PROM2: variants seen among roughly 807,000 people sequenced by gnomAD.
The protein encoded by PROM2 is prominin-2.
PROM2 carries 90 observed loss-of-function variants against 110.2 expected under a neutral mutation model. The observed-to-expected ratio is 0.82, with a 90% CI of 0.69 to 0.97. The LOEUF is 0.97. PROM2 is among the 50% of genes least tolerant of loss of function. The pLI, the probability that PROM2 is intolerant of heterozygous loss-of-function variation, is 0.00. For missense variants in PROM2, 1,009 were observed against 1,074.8 expected, an observed-to-expected ratio of 0.94 and a Z score of 0.86; for synonymous variants, 470 against 467.8, an observed-to-expected ratio of 1.00 and a Z score of -0.06.
In PROM2 at chr2:95,278,799, G is replaced by T; in HGVS notation, c.1114+15G>T. Reference sequence around the variant, plus strand: ...CGTGGTGCAAGGTTAGGCCACACGGGTCAGAGGCAGCTGCCAGGCATGGCT... The same window carrying T: ...CGTGGTGCAAGGTTAGGCCACACGGTTCAGAGGCAGCTGCCAGGCATGGCT... On this transcript the variant is annotated intron_variant, in intron 9 of 23. Transcript: ENST00000317620. 1 of 1,614,008 alleles carries T rather than the reference G, an allele frequency of 6.2e-7. No homozygotes were observed. Among genetic ancestry groups the T allele is most frequent in the Non-Finnish European group, 8.5e-7 (1 of 1,180,014 alleles).
chr2:95,281,788 G>A, intron 12 of PROM2, 137 bp from the exon 13 acceptor site: 2 of 679,776 alleles, frequency 2.9e-6, no homozygotes, highest in South Asian at 3.5e-5. Context: ...TAGAGGCCAG[G>A]TGTGAGCTGG....
intron 23 of PROM2, 64 bp from the exon 24 acceptor site, chr2:95,289,160 T>G (rs1677557167): frequency 1.5e-6 from 1 of 647,366 alleles, no homozygotes; most frequent in Admixed American, 2.4e-5. Context: ...CATCCAGCAG[T>G]GGGGCTGACA....
rs1392166052 is a variant in PROM2 at position 95,274,758 on chromosome 2, G to T, written c.173G>T (p.Gly58Val). ...CTGGCCCCTCGAGTTCGTGCGCCAG[G>T]ACTCCTGGACTCCCTCTATGGCACC... ...RWLAPRVRAP[G>V]LLDSLYGTVR... The change falls in exon 1 of 24, where the codon GGA (glycine) becomes GTA (valine). Residue 58 changes from glycine to valine, a missense_variant. By Grantham distance (109) the Gly-to-Val change is moderately radical (BLOSUM62 -3). Transcript: ENST00000317620. 10 of 1,611,374 alleles carry T rather than the reference G, an allele frequency of 6.2e-6. No homozygotes were observed. The highest frequency in any genetic ancestry group is 2.2e-5 in the East Asian group (1 of 44,836).
chr2:95,277,425 C>G lies in PROM2; in HGVS notation c.834C>G (p.Ala278=). The G allele has an allele frequency of 6.2e-7, 1 of 1,613,334 alleles. No individual in the cohort carries two copies. Among genetic ancestry groups the G allele is most frequent in the Non-Finnish European group, 8.5e-7 (1 of 1,179,898 alleles). Residue 278 remains alanine, a synonymous_variant, in exon 7 of 24, where the codon GCC becomes GCG. Transcript: ENST00000317620. ...ATGCTACAGTGGTAGAGCTGCAGGCCGGGCAGCAGGACCTGGAGCCAGCCA... is the reference window on the plus strand; with the variant it reads ...ATGCTACAGTGGTAGAGCTGCAGGCGGGGCAGCAGGACCTGGAGCCAGCCA... The part of the protein sequence containing the change: ...TLNATVVELQ[A]GQQDLEPAIR...
intron 18 of PROM2, 33 bp downstream of exon 18, chr2:95,286,890 C>A (rs1464242255): frequency 6.2e-7 from 1 of 1,608,768 alleles, no homozygotes. Flanking sequence ...TATGGTGGAG[C>A]ACAGGGGCTG....
At chr2:95,284,477 C>T (rs1677225286) in intron 14 of PROM2, among the ~76,000 whole-genome samples, 1 of 151,200 alleles carries the variant, frequency 6.6e-6, no homozygotes, top group African/African-American at 2.4e-5. Flanking sequence ...GGCAACAGAG[C>T]AAGACCCTGT....
intron 10 of PROM2, among the ~76,000 whole-genome samples, chr2:95,279,488 G>T (rs567533257): frequency 1.3e-5 from 2 of 152,084 alleles, no homozygotes; most frequent in African/African-American, 2.4e-5. Flanking sequence ...GTAGAGACAG[G>T]GTTTCACCAT....
chr2:95,276,325 G>C lies in PROM2; in HGVS notation c.596G>C (p.Gly199Ala). The C allele has an allele frequency of 6.2e-7, 1 of 1,613,702 alleles. No individual in the cohort carries two copies. Among genetic ancestry groups the C allele is most frequent in the Non-Finnish European group, 8.5e-7 (1 of 1,180,028 alleles). ...CCTGAGACCCTGCTCAGCCTCTGGG[G>C]CCTGGTCTCTGATGTCCCCCAAGTG... ...AMPETLLSLW[G>A]LVSDVPQELQ... Residue 199 changes from glycine to alanine, a missense_variant, in exon 4 of 24, where the codon GGC becomes GCC. Physicochemically the swap from Gly to Ala is moderately conservative, Grantham distance 60. Coordinates refer to ENST00000317620, the MANE Select transcript of PROM2 (RefSeq NM_001165978.3). This position sits in a 1 kb window ranked among gnomAD's most constrained non-coding sequence, Gnocchi z 4.6.
Position 95,288,594 on chromosome 2 carries a change from G to GGGGCTGCCA in PROM2, c.2441+13_2441+21dup. ...TCCTATCCGGAAACGCCTCAGGTGA[G>GGGGCTGCCA]GGGCTGCCAGGGCTGCAGGCAGCAT... On this transcript the variant is annotated splice_donor_region_variant and intron_variant, in intron 22 of 23. Coordinates refer to ENST00000317620, the MANE Select transcript of PROM2 (RefSeq NM_001165978.3). The GGGGCTGCCA allele has an allele frequency of 1.2e-6, 2 of 1,611,450 alleles. No homozygotes were observed. Among genetic ancestry groups the GGGGCTGCCA allele is most frequent in the Non-Finnish European group, 1.7e-6 (2 of 1,177,954 alleles).
chr2:95,276,669 G>A lies in PROM2; in HGVS notation c.682+12G>A, dbSNP rs370530905. 2.1e-5 allele frequency: 34 copies of A among 1,612,362 alleles called. No homozygotes were observed. Among genetic ancestry groups the A allele is most frequent in the African/African-American group, 1.2e-4 (9 of 74,852 alleles). On this transcript the variant is annotated intron_variant, in intron 5 of 23. Coordinates refer to ENST00000317620, the MANE Select transcript of PROM2 (RefSeq NM_001165978.3). The surrounding 1 kb of genome is among the most constrained non-coding windows in gnomAD (Gnocchi z 4.6). ...AGAGGAGCTGGATGGTGAGGGTCTC[G>A]GGGACTGGCAGGTGGGCTGGCTCCT...
chr2:95,277,831 C>A, intron 7 of PROM2, 99 bp from the exon 8 acceptor site: 1 of 1,014,844 alleles, frequency 9.9e-7, no homozygotes, highest in Non-Finnish European at 1.5e-6. Flanking sequence ...CACTTGAGGA[C>A]ATTGGGGTTC....
At chr2:95,279,658 T>C (rs930790251) in intron 10 of PROM2, among the ~76,000 whole-genome samples, 187 bp from the exon 11 acceptor site, 2 of 152,182 alleles carry the variant, frequency 1.3e-5, no homozygotes, top group Non-Finnish European at 2.9e-5. Flanking sequence ...TATGAGGCTG[T>C]GTGCCCTTGG....
intron 13 of PROM2, 43 bp from the exon 14 acceptor site, chr2:95,282,099 C>T: frequency 6.2e-7 from 1 of 1,607,296 alleles, no homozygotes; most frequent in Non-Finnish European, 8.5e-7. Context: ...AGCCCCCCCG[C>T]CACCCCCAAG....
rs1159276389 is a variant in PROM2 at position 95,281,488 on chromosome 2, G to C, written c.1551+123G>C. 10 of 1,241,884 alleles carry C rather than the reference G, an allele frequency of 8.1e-6. No homozygotes were observed. In the East Asian group the frequency reaches 2.6e-4, roughly 32 times the overall value. The allele number at this position is 1,241,884 out of a possible 1,614,324, so 76.9% of individuals were successfully genotyped here. A position where few individuals can be genotyped will look rare whatever the true frequency, so the allele number is the denominator to read the frequency against. On this transcript the variant is annotated intron_variant, in intron 12 of 23. Coordinates refer to ENST00000317620, the MANE Select transcript of PROM2 (RefSeq NM_001165978.3). The stretch of plus-strand genomic sequence containing the variant: ...AAAGGGAGAGAGGGAGGGGAGGAGT[G>C]AGACAGACATGGCCAAGGAAAGAGA...
chr2:95,288,663 C>CTCAGGAGGGGCTGTG, intron 22 of PROM2, 74 bp downstream of exon 22: 1 of 1,312,798 alleles, frequency 7.6e-7, no homozygotes, highest in Non-Finnish European at 1.1e-6. Context: ...GGTCCCCTGT[C>CTCAGGAGGGGCTGTG]ACAGCCCCTC....
chr2:95,279,771 C>G, intron 10 of PROM2, 74 bp from the exon 11 acceptor site: 1 of 1,294,578 alleles, frequency 7.7e-7, no homozygotes, highest in Non-Finnish European at 1.0e-6. Flanking sequence ...CACCCGGTCG[C>G]CACGTCCCGC....
rs180765479 is a variant in PROM2 at position 95,286,789 on chromosome 2, A to T, written c.2041-15A>T. 6.2e-7 allele frequency: 1 copy of T among 1,611,390 alleles called. No individual in the cohort carries two copies. Among genetic ancestry groups the T allele is most frequent in the South Asian group, 1.1e-5 (1 of 90,992 alleles). On this transcript the variant is annotated splice_polypyrimidine_tract_variant and intron_variant, in intron 17 of 23. Coordinates refer to ENST00000317620, the MANE Select transcript of PROM2 (RefSeq NM_001165978.3). ...CCTTGCACTCCCCTAACCAGCCCTG[A>T]TCTCTTCTCCACAGGCAAAGCTCAA...
intron 16 of PROM2, 73 bp from the exon 17 acceptor site, chr2:95,286,406 T>C (rs1338879353): frequency 7.6e-7 from 1 of 1,311,880 alleles, no homozygotes; most frequent in African/African-American, 1.4e-5. Flanking sequence ...TCTCTTGGTA[T>C]GTCAGACTGA....
Position 95,274,657 on chromosome 2 carries a change from T to C in PROM2, c.72T>C (p.Ala24=). The change falls in exon 1 of 24, where the codon GCT becomes GCC. Residue 24 remains alanine, a synonymous_variant. Coordinates refer to ENST00000317620, the MANE Select transcript of PROM2 (RefSeq NM_001165978.3). ...TGGGGCTGGCCCTGAGTCAGCTGGC[T>C]GCAGGGGCCACAGACTGCAAGTTCC... is the stretch of plus-strand genomic sequence containing the variant. The part of the protein sequence containing the change: ...LGLGLALSQL[A]AGATDCKFLG... 1 of 1,610,824 alleles carries C rather than the reference T, an allele frequency of 6.2e-7. No individual in the cohort carries two copies. The highest frequency in any genetic ancestry group is 1.1e-5 in the South Asian group (1 of 90,964).
Sources: gnomAD v4.1 joint callset for allele counts (sites outside exome capture counted in the v4.1 genomes callset) on GRCh38, gnomAD v4.1.1 for gene constraint, Gnocchi (gnomAD v3.1) non-coding constraint, MANE v1.5 for transcripts, NCBI Gene and HGNC (gene_info 2026-07-23, HGNC 2026-07-21) for gene names.